Variants in GRIP1 observed in about 807,000 individuals in gnomAD.
GRIP1 encodes glutamate receptor interacting protein 1.
A neutral mutation model predicts 129.9 loss-of-function variants in GRIP1; 45 were observed. The ratio of observed to expected loss-of-function variants is 0.35; its 90% CI spans 0.27 to 0.44. The LOEUF is 0.44. Among genes scored for constraint, GRIP1 ranks in the 20% least tolerant of loss-of-function variants. GRIP1 has a pLI of 1.00. For missense variants in GRIP1, 1,196 were observed against 1,396.8 expected (o/e 0.86, Z 2.29); for synonymous variants, 530 against 520.8 (o/e 1.02, Z -0.24).
At chr12:66,493,118 A>G (rs998118414) in intron 7 of GRIP1, among the ~76,000 whole-genome samples, 1 of 152,234 alleles carries the variant, frequency 6.6e-6, no homozygotes, top group African/African-American at 2.4e-5. Flanking sequence ...GTGCTTACAC[A>G]TACATCATGC....
intron 16 of GRIP1, among the ~76,000 whole-genome samples, chr12:66,399,952 T>A (rs2056925809): frequency 6.6e-6 from 1 of 151,988 alleles, no homozygotes; most frequent in African/African-American, 2.4e-5. Context: ...TCATTTTACA[T>A]AGATATGTCA....
intron 1 of GRIP1, among the ~76,000 whole-genome samples, chr12:67,056,188 C>G (rs933202578): frequency 6.6e-6 from 1 of 152,290 alleles, no homozygotes. Flanking sequence ...CTTTTAAGAA[C>G]CATTTCATTT....
chr12:66,781,092 T>C (rs77357221), intron 1 of GRIP1, among the ~76,000 whole-genome samples: 4,379 of 152,316 alleles, frequency 0.029, 73 homozygotes, highest in Middle Eastern at 0.065. Flanking sequence ...GTAACGGCGA[T>C]ACCACAGTTT....
chr12:66,732,768 A>C (rs901863462), intron 1 of GRIP1, among the ~76,000 whole-genome samples: 1 of 152,160 alleles, frequency 6.6e-6, no homozygotes, highest in African/African-American at 2.4e-5. Flanking sequence ...GGCTATTAGC[A>C]GTTAAGTTTT....
chr12:66,974,042 G>T (rs2042116610), intron 1 of GRIP1, among the ~76,000 whole-genome samples: 1 of 149,618 alleles, frequency 6.7e-6, no homozygotes, highest in Non-Finnish European at 1.5e-5. Context: ...GCCTGCCCTA[G>T]CCTCCTGAGT....
chr12:66,973,952 C>T (rs542243719), intron 1 of GRIP1, among the ~76,000 whole-genome samples: 1 of 128,198 alleles, frequency 7.8e-6, no homozygotes, highest in Non-Finnish European at 1.6e-5. Flanking sequence ...CAGAGTCTCA[C>T]TTTGTCGCCC....
intron 1 of GRIP1, among the ~76,000 whole-genome samples, chr12:66,675,752 G>T (rs780052482): frequency 6.6e-6 from 1 of 152,202 alleles, no homozygotes; most frequent in Non-Finnish European, 1.5e-5. Context: ...GAACGGCATT[G>T]CTTCTTTAGA....
intron 2 of GRIP1, among the ~76,000 whole-genome samples, chr12:66,576,607 G>T (rs1334079628): frequency 6.6e-6 from 1 of 152,176 alleles, no homozygotes; most frequent in African/African-American, 2.4e-5. Context: ...AGTTACCTAA[G>T]CCTCTGTGAG....
chr12:67,055,744 G>A (rs549038639), intron 1 of GRIP1, among the ~76,000 whole-genome samples: 23 of 152,308 alleles, frequency 1.5e-4, no homozygotes, highest in African/African-American at 5.5e-4. Flanking sequence ...GTTTTTATAT[G>A]ATTATGAGAA....
chr12:67,023,108 CA>C (rs879508200), intron 1 of GRIP1, among the ~76,000 whole-genome samples: 18 of 152,030 alleles, frequency 1.2e-4, no homozygotes, highest in Non-Finnish European at 1.5e-4. Context: ...GCATATCTTT[CA>C]AAAAGTTGTC....
intron 23 of GRIP1, among the ~76,000 whole-genome samples, chr12:66,369,097 A>G (rs1333972350): frequency 2.0e-5 from 3 of 152,140 alleles, no homozygotes; most frequent in African/African-American, 7.2e-5. Context: ...TTTGTTGGGG[A>G]TCAATTCAGA....
chr12:66,696,804 C>CAAAAAA (rs35445606), intron 1 of GRIP1, among the ~76,000 whole-genome samples: 20 of 103,708 alleles, frequency 1.9e-4, no homozygotes, highest in African/African-American at 7.3e-4. Flanking sequence ...GACTCTGTCT[C>CAAAAAA]AAAAAAAAAA....
intron 3 of GRIP1, among the ~76,000 whole-genome samples, chr12:66,539,908 C>T (rs1217899147): frequency 6.6e-6 from 1 of 152,138 alleles, no homozygotes; most frequent in Non-Finnish European, 1.5e-5. Context: ...AAACCAAGAG[C>T]AGGTAGCAAG....
At chr12:66,962,112 A>G (rs1258523705) in intron 1 of GRIP1, among the ~76,000 whole-genome samples, 2 of 152,088 alleles carry the variant, frequency 1.3e-5, no homozygotes, top group African/African-American at 4.8e-5. Flanking sequence ...TCTCTTTGGG[A>G]TATTAAAATC....
chr12:66,381,742 G>C (rs2056119359), intron 19 of GRIP1, among the ~76,000 whole-genome samples: 1 of 152,214 alleles, frequency 6.6e-6, no homozygotes, highest in African/African-American at 2.4e-5. Context: ...CCATCAGTAG[G>C]AAACTGCTAA....
chr12:66,790,087 A>T (rs1218204206), intron 1 of GRIP1, among the ~76,000 whole-genome samples: 1 of 135,110 alleles, frequency 7.4e-6, no homozygotes, highest in Non-Finnish European at 1.5e-5. Context: ...ATGCCACTGT[A>T]CTTAAATTTA....
Position 66,791,416 on chromosome 12 carries a change from T to C in GRIP1, c.-420+12637A>G, listed in dbSNP as rs538774492. The stretch of plus-strand genomic sequence containing the variant: ...AAGACAAAAGATTGATGACTAGTGT[T>C]GAGAAACCAGCTGAGGCTGGAACTC... On this transcript the variant is annotated intron_variant, in intron 1 of 4. Coordinates refer to the GRIP1 transcript ENST00000538373. 1.1e-3 allele frequency among the ~76,000 whole-genome samples: 168 copies of C among 152,274 alleles called. 1 individual carries two copies. Among genetic ancestry groups the C allele is most frequent in the Non-Finnish European group, 1.5e-3 (101 of 68,022 alleles).
chr12:66,530,168 G>C (rs896074121), intron 4 of GRIP1, among the ~76,000 whole-genome samples: 4 of 152,124 alleles, frequency 2.6e-5, no homozygotes, highest in African/African-American at 9.7e-5. Flanking sequence ...CTTCTATATA[G>C]TTCGTTTCTA....
In GRIP1 at chr12:66,529,824, C is replaced by A; in HGVS notation, c.502+7G>T. On this transcript the variant is annotated splice_region_variant and intron_variant, in intron 5 of 24. Transcript: ENST00000359742. ...TTTTAAAGTAGATTTTTCTAACCAACACCTACCTCGAATTACAAAACCAAA... is the reference window on the plus strand; with the variant it reads ...TTTTAAAGTAGATTTTTCTAACCAAAACCTACCTCGAATTACAAAACCAAA... 6.6e-7 allele frequency: 1 copy of A among 1,506,824 alleles called. No homozygotes were observed. The highest frequency in any genetic ancestry group is 9.2e-7 in the Non-Finnish European group (1 of 1,082,152). The allele number at this position is 1,506,824 out of a possible 1,614,324, so 93.3% of individuals were successfully genotyped here.
Sources: allele counts gnomAD v4.1 joint callset (sites outside exome capture counted in the v4.1 genomes callset), GRCh38; gene constraint gnomAD v4.1.1; transcripts MANE v1.5; gene names NCBI Gene and HGNC (gene_info 2026-07-23, HGNC 2026-07-21).